The following PLK4 variants were observed in gnomAD, a reference collection of about 807,000 sequenced individuals.
PLK4 encodes polo like kinase 4.
In PLK4, 51 loss-of-function variants were observed where a neutral mutation model predicts 103.0. The ratio of observed to expected loss-of-function variants is 0.50; its 90% confidence interval spans 0.40 to 0.63. The LOEUF is 0.63. Among genes scored for constraint, PLK4 ranks in the 20% least tolerant of loss-of-function variants. The pLI is 0.00. For missense variants in PLK4, 1,054 were observed against 1,151.0 expected (o/e 0.92, Z 1.22); for synonymous variants, 389 against 376.8 (o/e 1.03, Z -0.38).
At chr4:127,897,133 G>A (rs1322188829) in intron 15 of PLK4, among the ~76,000 whole-genome samples, 1 of 152,108 alleles carries the variant, frequency 6.6e-6, no homozygotes, top group Non-Finnish European at 1.5e-5. Context: ...ACTCTAAGAG[G>A]TTGGGTTCCT....
At chr4:127,896,708 C>G (rs1735577546) in intron 14 of PLK4, 93 bp from the exon 15 acceptor site, 2 of 638,072 alleles carry the variant, frequency 3.1e-6, no homozygotes, top group African/African-American at 1.9e-5. Context: ...TACAGAACCA[C>G]AAACCCTCTA....
chr4:127,895,052 T>G lies in PLK4; in HGVS notation c.2662T>G (p.Leu888Val), dbSNP rs1171540339. The change falls in exon 14 of 16, where the codon TTG (leucine) becomes GTG (valine). Residue 888 changes from leucine to valine, a missense_variant. Around this residue, in one of 4 missense-constraint regions of PLK4, gnomAD observed 167 missense variants for 200.7 expected, o/e 0.83. Coordinates refer to ENST00000270861, the MANE Select transcript of PLK4 (RefSeq NM_014264.5). ...KDCLPKSAQL[L>V]KSVFVKNVGW... ...TTGTCTTCCTAAATCAGCACAACTT[T>G]TGAAATCTGTTTTTGTGAAAAATGT... The G allele has an allele frequency of 1.9e-6, 3 of 1,612,646 alleles. No homozygotes were observed. Among genetic ancestry groups the G allele is most frequent in the Middle Eastern group, 1.7e-4 (1 of 5,998 alleles).
Position 127,893,513 on chromosome 4 carries a change from G to T in PLK4, c.2323G>T (p.Gly775Cys), listed in dbSNP as rs765323092. ...IKMYMDHANEGHRICLALESI... is the reference protein window; with the variant it reads ...IKMYMDHANECHRICLALESI... ...CAGAAGCACTCTTCTTTTGAAATAGGGTCATCGTATTTGTTTAGCACTGGA... is the reference window on the plus strand; with the variant it reads ...CAGAAGCACTCTTCTTTTGAAATAGTGTCATCGTATTTGTTTAGCACTGGA... Residue 775 changes from glycine (G) to cysteine (C), a missense_variant and splice_region_variant, in exon 12 of 16, where the codon GGT becomes TGT. By Grantham distance (159) the Gly-to-Cys change is radical. This residue lies in a region of PLK4 where 680 missense variants were observed against 660.3 expected (regional missense o/e 1.03). Transcript: ENST00000270861. 1.9e-6 allele frequency: 3 copies of T among 1,609,430 alleles called. No individual in the cohort carries two copies. The highest frequency in any genetic ancestry group is 2.5e-6 in the Non-Finnish European group (3 of 1,177,510).
intron 14 of PLK4, among the ~76,000 whole-genome samples, chr4:127,896,216 A>G (rs917775790): frequency 6.6e-6 from 1 of 152,164 alleles, no homozygotes; most frequent in Non-Finnish European, 1.5e-5. Context: ...AACTTGCACA[A>G]TCCTACACTG....
intron 6 of PLK4, among the ~76,000 whole-genome samples, chr4:127,888,571 G>C (rs555560557): frequency 1.3e-5 from 2 of 152,250 alleles, no homozygotes; most frequent in East Asian, 1.9e-4. Flanking sequence ...GGACAGTATA[G>C]GGTACCAATG....
intron 5 of PLK4, 102 bp downstream of exon 5, chr4:127,886,830 CTA>C (rs1491238417): frequency 3.2e-6 from 2 of 626,390 alleles, no homozygotes; most frequent in Non-Finnish European, 5.2e-6. Context: ...AAATGAATGT[CTA>C]AAAAAAAAAA....
At position 127,881,186 on chromosome 4, in the gene PLK4, C is replaced by T. The variant is rs1251346013; in HGVS notation, c.30+22C>T. 12 of 1,613,870 alleles carry T rather than the reference C, an allele frequency of 7.4e-6. No homozygotes were observed. In the East Asian group the frequency reaches 1.1e-4, roughly 15 times the overall value. ...CGAGGTGAAAAGACTCGGCAGTCTG[C>T]AGCGGGGCGGGTGGGAGTAATTGTG... On this transcript the variant is annotated intron_variant, in intron 1 of 15. Coordinates refer to ENST00000270861, the MANE Select transcript of PLK4 (RefSeq NM_014264.5).
Position 127,881,925 on chromosome 4 carries a change from TG to T in PLK4, c.126+1del. ...IHTGLEVAIK[M>X]IDKKAMYKAG... Reference sequence around the variant, plus strand: ...ACTGGTTTGGAAGTTGCAATCAAAATGGTAAGAATAAACTAATCAACTTCTC... The same window carrying T: ...ACTGGTTTGGAAGTTGCAATCAAAATGTAAGAATAAACTAATCAACTTCTC... On this transcript the variant is annotated frameshift_variant and splice_region_variant, in exon 2 of 16. Transcript: ENST00000270861. LOFTEE classifies it high-confidence loss of function. 1 of 1,543,220 alleles carries T rather than the reference TG, an allele frequency of 6.5e-7. No individual in the cohort carries two copies. The highest frequency in any genetic ancestry group is 9.0e-7 in the Non-Finnish European group (1 of 1,115,358).
chr4:127,892,613 A>G, intron 10 of PLK4, 99 bp downstream of exon 10: 1 of 862,576 alleles, frequency 1.2e-6, no homozygotes, highest in Non-Finnish European at 1.9e-6. Context: ...AGTTTTAAAG[A>G]TGTGTATGTA....
Position 127,886,294 on chromosome 4 carries a change from CAAA to C in PLK4, c.926_928del (p.Lys309del). ...CCAGTATAAGTGGTAGTTTATTTGA[CAAA>C]AGAAGACTTTTGATTGGTCAGCCAC... On this transcript the variant is annotated inframe_deletion, in exon 5 of 16. Coordinates refer to ENST00000270861, the MANE Select transcript of PLK4 (RefSeq NM_014264.5). 6.2e-7 allele frequency: 1 copy of C among 1,613,878 alleles called. No homozygotes were observed. Among genetic ancestry groups the C allele is most frequent in the Non-Finnish European group, 8.5e-7 (1 of 1,179,874 alleles).
chr4:127,893,396 T>C lies in PLK4; in HGVS notation c.2300T>C (p.Met767Thr). The C allele has an allele frequency of 6.2e-7, 1 of 1,608,840 alleles. No homozygotes were observed. The highest frequency in any genetic ancestry group is 8.5e-7 in the Non-Finnish European group (1 of 1,177,028). ...EVNSLKEEIK[M>T]YMDHANEGHR... ...AATAGCTTGAAAGAGGAGATAAAAA[T>C]GTATATGGACCATGCTAATGAGGTA... is the stretch of plus-strand genomic sequence containing the variant. The change falls in exon 11 of 16, where the codon ATG becomes ACG. Residue 767 changes from methionine to threonine, a missense_variant. Around this residue, in one of 4 missense-constraint regions of PLK4, gnomAD observed 680 missense variants for 660.3 expected, o/e 1.03. Transcript: ENST00000270861.
At chr4:127,894,328 G>A (rs768486614) in intron 13 of PLK4, among the ~76,000 whole-genome samples, 3 of 151,924 alleles carry the variant, frequency 2.0e-5, no homozygotes, top group Non-Finnish European at 4.4e-5. Context: ...CTGGGTTCAC[G>A]CCATTCTTCT....
intron 8 of PLK4, 125 bp downstream of exon 8, chr4:127,891,321 T>C: frequency 2.0e-6 from 1 of 489,664 alleles, no homozygotes; most frequent in Non-Finnish European, 3.6e-6. Context: ...ATAGTGTCTC[T>C]GGAATTCAAA....
chr4:127,885,595 C>A, intron 4 of PLK4, 113 bp from the exon 5 acceptor site: 1 of 786,866 alleles, frequency 1.3e-6, no homozygotes, highest in Non-Finnish European at 2.1e-6. Flanking sequence ...AGCCACTGTT[C>A]TACTACAGTG....
At chr4:127,881,298 C>G in intron 1 of PLK4, 134 bp downstream of exon 1, 1 of 1,536,304 alleles carries the variant, frequency 6.5e-7, no homozygotes, top group Non-Finnish European at 8.8e-7. Flanking sequence ...AGGGTCCCAA[C>G]GGCCCAGACC....
Position 127,898,527 on chromosome 4 carries a change from C to T in PLK4, c.2899C>T (p.Pro967Ser). The change falls in exon 16 of 16, where the codon CCT becomes TCT. Residue 967 changes from proline (P) to serine (S), a missense_variant. This residue lies in a region of PLK4 where 8 missense variants were observed against 19.9 expected (regional missense o/e 0.40). Coordinates refer to ENST00000270861, the MANE Select transcript of PLK4 (RefSeq NM_014264.5). Reference sequence around the variant, plus strand: ...CCTTTTGATGTTTTCTAATCCGACTCCTAATTTTCATTGATTAAAACTCCT... The same window carrying T: ...CCTTTTGATGTTTTCTAATCCGACTTCTAATTTTCATTGATTAAAACTCCT... Reference protein sequence around the residue: ...SILLMFSNPTPNFH With the variant: ...SILLMFSNPTSNFH 9 of 1,506,362 alleles carry T rather than the reference C, an allele frequency of 6.0e-6. No homozygotes were observed. The highest frequency in any genetic ancestry group is 8.3e-6 in the Non-Finnish European group (9 of 1,088,778). The allele number at this position is 1,506,362 out of a possible 1,614,324, so 93.3% of individuals were successfully genotyped here.
At chr4:127,894,419 G>A (rs369441514) in intron 13 of PLK4, among the ~76,000 whole-genome samples, 19 of 151,674 alleles carry the variant, frequency 1.3e-4, no homozygotes, top group Admixed American at 3.9e-4. Flanking sequence ...CAGTAGAGAC[G>A]GGGTTTCACC....
rs1735587386 is a variant in PLK4, at chr4:127,896,907, G to C, written c.2810G>C (p.Arg937Thr). The C allele has an allele frequency of 1.3e-6, 2 of 1,539,520 alleles. No individual in the cohort carries two copies. Among genetic ancestry groups the C allele is most frequent in the Non-Finnish European group, 1.8e-6 (2 of 1,113,782 alleles). ...SYTSPNGQTT[R>T]YGENEKLPDY... ...ACCTCACCAAATGGTCAAACAACTA[G>C]GTAAGTTCTTAAAATACTGGTCGAG... The change falls in exon 15 of 16, where the codon AGG becomes ACG. Residue 937 changes from arginine to threonine, a missense_variant and splice_region_variant. Physicochemically the swap from Arg to Thr is moderately conservative, Grantham distance 71. Transcript: ENST00000270861.
Position 127,880,897 on chromosome 4 carries a change from C to T in PLK4, c.-238C>T, listed in dbSNP as rs973969365. 2 of 564,720 alleles carry T rather than the reference C, an allele frequency of 3.5e-6. No homozygotes were observed. Among genetic ancestry groups the T allele is most frequent in the East Asian group, 3.0e-5 (1 of 33,226 alleles). The allele number at this position is 564,720 out of a possible 1,614,324, so 35.0% of individuals were successfully genotyped here. A position where few individuals can be genotyped will look rare whatever the true frequency, so the allele number is the denominator to read the frequency against. ...AGCGATCCATCTCGTTACGTCACCA[C>T]CAGCCTAGCTCGGACGGCAAGCGGC... is the stretch of plus-strand genomic sequence containing the variant. On this transcript the variant is annotated 5_prime_UTR_variant, in exon 1 of 16. Transcript: ENST00000270861.
Sources: allele counts gnomAD v4.1 joint callset (sites outside exome capture counted in the v4.1 genomes callset), GRCh38; gene constraint gnomAD v4.1.1; regional missense constraint gnomAD v4.1.1; transcripts MANE v1.5; gene names NCBI Gene and HGNC (gene_info 2026-07-23, HGNC 2026-07-21).